Variants in CBLN2 observed in about 807,000 individuals in gnomAD.
CBLN2 encodes the protein cerebellin 2 precursor.
A neutral mutation model predicts 15.0 loss-of-function variants in CBLN2; 7 were observed. That is an observed-to-expected ratio of 0.47 (90% CI 0.27 to 0.88). The LOEUF (loss-of-function observed/expected upper bound fraction) is 0.88. Ranked by LOEUF, CBLN2 falls within the 40% of genes least tolerant of loss-of-function variation. The pLI is 0.14. For missense variants in CBLN2, 242 were observed against 304.5 expected, an observed-to-expected ratio of 0.79 and a Z score of 1.53; for synonymous variants, 149 against 135.2, an observed-to-expected ratio of 1.10 and a Z score of -0.71.
At chr18:72,556,046 T>G (rs1284657152) in intron 1 of CBLN2, among the ~76,000 whole-genome samples, 1 of 152,118 alleles carries the variant, frequency 6.6e-6, no homozygotes. Flanking sequence ...TCCATTAGTC[T>G]GGGTCCCAGG....
In CBLN2 at chr18:72,576,615, G is replaced by C. The variant is rs1339911876; in HGVS notation, c.16-37843C>G. 1.2e-4 allele frequency among the ~76,000 whole-genome samples: 19 copies of C among 152,046 alleles called. No homozygotes were observed. In the South Asian group the frequency reaches 3.9e-3, roughly 32 times the overall value. ...TCAAGGGTATAAATTGGTTCCATTT[G>C]CCCAAACAATACCAGTCAGTTCAGT... On this transcript the variant is annotated intron_variant, in intron 1 of 2. Transcript: ENST00000581073.
Position 72,543,161 on chromosome 18 carries a change from C to A in CBLN2, c.-167+325G>T. 1 of 246,262 alleles carries A rather than the reference C, an allele frequency of 4.1e-6. No homozygotes were observed. 15.3% of individuals were successfully genotyped at this position (246,262 alleles called of 1,614,324 possible). A position where few individuals can be genotyped will look rare whatever the true frequency, so the allele number is the denominator to read the frequency against. ...GGGCGGCAGCCCCTGCAGGTTTCTG[C>A]GAACTTACGCGCCCGTCTGCACTTT... On this transcript the variant is annotated intron_variant, in intron 2 of 4. Coordinates refer to ENST00000269503, the MANE Select transcript of CBLN2 (RefSeq NM_182511.4). This position sits in a 1 kb window ranked among gnomAD's most constrained non-coding sequence, Gnocchi z 6.8.
chr18:72,577,262 A>T (rs1314491450), intron 1 of CBLN2, among the ~76,000 whole-genome samples: 2 of 151,932 alleles, frequency 1.3e-5, no homozygotes, highest in East Asian at 1.9e-4. Context: ...TTTCTTATAT[A>T]TAATTTTTCT....
At chr18:72,596,262 A>C (rs552292228) in intron 1 of CBLN2, among the ~76,000 whole-genome samples, 4 of 151,982 alleles carry the variant, frequency 2.6e-5, no homozygotes, top group Non-Finnish European at 5.9e-5. Context: ...GACAATTAAC[A>C]CTGCATAAAC....
intron 1 of CBLN2, among the ~76,000 whole-genome samples, chr18:72,613,190 A>G (rs1050810990): frequency 4.6e-5 from 7 of 152,142 alleles, no homozygotes; most frequent in African/African-American, 1.7e-4. Flanking sequence ...AAAACAATCT[A>G]TTTCCATACG....
rs146683769 is a variant in CBLN2 at position 72,574,072 on chromosome 18, T to C, written c.16-35300A>G. 4.5e-3 allele frequency among the ~76,000 whole-genome samples: 679 copies of C among 152,334 alleles called. 4 individuals are homozygous for C. The highest frequency in any genetic ancestry group is 0.016 in the African/African-American group (659 of 41,568). ...CTCTTTTCATATCCCTATTCACCGT[T>C]GGTATATTTTCTTTGATGAGGTGTC... On this transcript the variant is annotated intron_variant, in intron 1 of 2. Coordinates refer to the CBLN2 transcript ENST00000581073.
chr18:72,625,664 T>A (rs2144971962), intron 1 of CBLN2, among the ~76,000 whole-genome samples: 1 of 140,890 alleles, frequency 7.1e-6, no homozygotes, highest in East Asian at 2.0e-4. Context: ...TATTATAGGA[T>A]TATATTATTA....
chr18:72,627,901 C>T (rs2069750944), intron 1 of CBLN2, among the ~76,000 whole-genome samples: 1 of 152,124 alleles, frequency 6.6e-6, no homozygotes, highest in South Asian at 2.1e-4. Flanking sequence ...AATTATGTTT[C>T]TTGTCAATGT....
At chr18:72,548,790 A>G (rs56323974), upstream of CBLN2, among the ~76,000 whole-genome samples, 152 of 152,224 alleles carry the variant, frequency 1.0e-3, no homozygotes, top group Non-Finnish European at 1.7e-3. Flanking sequence ...TCCTCTGCAT[A>G]CTCTGTCCTA....
intron 1 of CBLN2, among the ~76,000 whole-genome samples, chr18:72,556,789 T>A (rs1425766576): frequency 6.6e-6 from 1 of 152,066 alleles, no homozygotes; most frequent in Non-Finnish European, 1.5e-5. Context: ...ATTCTCAGCG[T>A]ATTATGATGC....
intron 1 of CBLN2, among the ~76,000 whole-genome samples, chr18:72,591,141 C>G (rs1056001299): frequency 5.3e-5 from 8 of 152,112 alleles, no homozygotes; most frequent in Non-Finnish European, 4.4e-5. Flanking sequence ...GGATTAAAAT[C>G]AGTTTTCATC....
chr18:72,561,668 C>T (rs638052), intron 1 of CBLN2, among the ~76,000 whole-genome samples: 108,702 of 152,118 alleles, frequency 0.71, 43,499 homozygotes, highest in Non-Finnish European at 0.9. Flanking sequence ...CACTATAGTG[C>T]GTATTACTTC....
intron 1 of CBLN2, among the ~76,000 whole-genome samples, chr18:72,574,096 T>C (rs1350308656): frequency 6.6e-6 from 1 of 152,222 alleles, no homozygotes; most frequent in African/African-American, 2.4e-5. Flanking sequence ...TGATGAGGTG[T>C]CTGTTTAGGT....
rs574515154 is a variant in CBLN2, at chr18:72,584,845, T to C, written c.16-46073A>G. ...GGCAGTGGCATCTTTGCCCGAGTTT[T>C]GATAAGGCCCACTGGGCTCATTCTA... On this transcript the variant is annotated intron_variant, in intron 1 of 2. Transcript: ENST00000581073. 7.2e-5 allele frequency among the ~76,000 whole-genome samples: 11 copies of C among 152,278 alleles called. No individual in the cohort carries two copies. In the South Asian group the frequency reaches 1.2e-3, roughly 17 times the overall value.
At position 72,542,166 on chromosome 18, in the gene CBLN2, C is replaced by G; in HGVS notation, c.-6G>C. ...CCCCGGCCGGGCGCCTGCATCGGGA[C>G]TGGTGGGAGGCGGCGCGCGGGGGTG... is the stretch of plus-strand genomic sequence containing the variant. On this transcript the variant is annotated 5_prime_UTR_variant, in exon 3 of 5. Coordinates refer to ENST00000269503, the MANE Select transcript of CBLN2 (RefSeq NM_182511.4). 1.6e-6 allele frequency: 2 copies of G among 1,251,710 alleles called. No individual in the cohort carries two copies. The highest frequency in any genetic ancestry group is 1.0e-6 in the Non-Finnish European group (1 of 1,002,654). 77.5% of individuals were successfully genotyped at this position (1,251,710 alleles called of 1,614,324 possible). A position where few individuals can be genotyped will look rare whatever the true frequency, so the allele number is the denominator to read the frequency against.
At chr18:72,616,390 G>A (rs2069662280) in intron 1 of CBLN2, among the ~76,000 whole-genome samples, 2 of 152,106 alleles carry the variant, frequency 1.3e-5, no homozygotes, top group African/African-American at 2.4e-5. Flanking sequence ...CATGGCTTGG[G>A]TCATATAGGA....
At chr18:72,630,325 T>G (rs2069766556) in intron 1 of CBLN2, among the ~76,000 whole-genome samples, 6 of 152,102 alleles carry the variant, frequency 3.9e-5, no homozygotes. Flanking sequence ...TGTCCTTACT[T>G]TTAGCATTAT....
chr18:72,561,778 C>T lies in CBLN2; in HGVS notation c.16-23006G>A, dbSNP rs182309517. Among the ~76,000 whole-genome samples, 294 of 152,232 alleles carry T rather than the reference C, an allele frequency of 1.9e-3. 1 individual carries two copies. The highest frequency in any genetic ancestry group is 3.7e-3 in the Non-Finnish European group (249 of 68,030). On this transcript the variant is annotated intron_variant, in intron 1 of 2. Transcript: ENST00000581073. The stretch of plus-strand genomic sequence containing the variant: ...TATTGCTTATTTCATGCACAATTTT[C>T]CCTCTGTCCGTGCGGCAATAACATG...
intron 1 of CBLN2, among the ~76,000 whole-genome samples, chr18:72,569,042 T>C (rs1318600347): frequency 2.0e-5 from 3 of 152,208 alleles, no homozygotes. Flanking sequence ...CACTTGTTAA[T>C]GCAGACATTC....
Sources: allele counts gnomAD v4.1 joint callset (sites outside exome capture counted in the v4.1 genomes callset), GRCh38; gene constraint gnomAD v4.1.1; non-coding constraint Gnocchi (gnomAD v3.1); transcripts MANE v1.5; gene names NCBI Gene and HGNC (gene_info 2026-07-23, HGNC 2026-07-21).